PLXDC2: variants seen among roughly 807,000 people sequenced by gnomAD.
PLXDC2 encodes the protein plexin domain containing 2.
In PLXDC2, 40 loss-of-function variants were observed where a neutral mutation model predicts 68.9. The ratio of observed to expected loss-of-function variants is 0.58; its 90% CI spans 0.45 to 0.76. The LOEUF is 0.76. Among genes scored for constraint, PLXDC2 ranks in the 30% least tolerant of loss-of-function variants. PLXDC2 has a pLI of 0.00. For synonymous variants in PLXDC2, 243 were observed against 234.2 expected (o/e 1.04, Z -0.34); for missense variants, 644 against 661.9 (o/e 0.97, Z 0.30).
intron 5 of PLXDC2, among the ~76,000 whole-genome samples, chr10:20,147,547 C>G (rs547446222): frequency 2.0e-4 from 30 of 152,134 alleles, no homozygotes; most frequent in African/African-American, 7.2e-4. Context: ...TGCATTAGCT[C>G]AATTATTGAC....
chr10:19,957,260 G>C (rs1207840380), intron 1 of PLXDC2, among the ~76,000 whole-genome samples: 1 of 152,030 alleles, frequency 6.6e-6, no homozygotes, highest in African/African-American at 2.4e-5. Flanking sequence ...ATTTTAAGAA[G>C]GATATTGCTC....
At chr10:19,884,849 G>A (rs1316845938) in intron 1 of PLXDC2, among the ~76,000 whole-genome samples, 6 of 152,268 alleles carry the variant, frequency 3.9e-5, no homozygotes, top group East Asian at 1.9e-4. Context: ...ATGATTTATA[G>A]TCCTTTGGGT....
At chr10:20,223,694 A>G (rs1395428422) in intron 12 of PLXDC2, among the ~76,000 whole-genome samples, 1 of 152,156 alleles carries the variant, frequency 6.6e-6, no homozygotes, top group Non-Finnish European at 1.5e-5. Flanking sequence ...CACCTTTTCT[A>G]TAACAACTGA....
chr10:20,147,813 G>T lies in PLXDC2; in HGVS notation c.694G>T (p.Val232Leu), dbSNP rs1305140987. The T allele has an allele frequency of 6.2e-7, 1 of 1,612,980 alleles. No homozygotes were observed. Among genetic ancestry groups the T allele is most frequent in the African/African-American group, 1.3e-5 (1 of 74,884 alleles). ...AGCACTTGTGGTCCAGTGGGACCAT[G>T]TACATCTCCAGGATAATTATAACCT... ...GTALVVQWDHVHLQDNYNLGS... is the reference protein window; with the variant it reads ...GTALVVQWDHLHLQDNYNLGS... The change falls in exon 6 of 14, where the codon GTA becomes TTA. Residue 232 changes from valine (V) to leucine (L), a missense_variant. By Grantham distance (32) the Val-to-Leu change is conservative (BLOSUM62 1). Around this residue, in one of 3 missense-constraint regions of PLXDC2, gnomAD observed 113 missense variants for 167.1 expected, o/e 0.68. Transcript: ENST00000377252.
chr10:20,182,787 C>T (rs184083685), intron 9 of PLXDC2, among the ~76,000 whole-genome samples: 5 of 151,888 alleles, frequency 3.3e-5, no homozygotes, highest in Admixed American at 6.6e-5. Context: ...TATCAACCCA[C>T]CATCTAGGGT....
intron 6 of PLXDC2, among the ~76,000 whole-genome samples, chr10:20,162,909 C>CAAAAAAAAAAAAA (rs71390763): frequency 6.1e-5 from 6 of 97,978 alleles, no homozygotes; most frequent in Admixed American, 2.5e-4. Context: ...ACTAAAAATA[C>CAAAAAAAAAAAAA]AAAAAAAAAA....
intron 1 of PLXDC2, among the ~76,000 whole-genome samples, chr10:19,976,094 T>C (rs1347851343): frequency 6.6e-6 from 1 of 152,226 alleles, no homozygotes; most frequent in Admixed American, 6.5e-5. Flanking sequence ...GGCTGTACAT[T>C]GAATTTTAAG....
chr10:20,194,116 G>T (rs1834805047), intron 9 of PLXDC2, among the ~76,000 whole-genome samples: 1 of 150,414 alleles, frequency 6.6e-6, no homozygotes, highest in East Asian at 2.0e-4. Context: ...TATATTAAAG[G>T]CACTACTAAA....
intron 3 of PLXDC2, among the ~76,000 whole-genome samples, chr10:20,062,379 G>A (rs529993346): frequency 3.8e-4 from 58 of 152,138 alleles, no homozygotes; most frequent in African/African-American, 1.1e-3. Flanking sequence ...AGCCAAGATC[G>A]CACCATTGCA....
chr10:19,907,210 G>A (rs1290263016), intron 1 of PLXDC2, among the ~76,000 whole-genome samples: 1 of 152,116 alleles, frequency 6.6e-6, no homozygotes, highest in Non-Finnish European at 1.5e-5. Flanking sequence ...TAAGATGATA[G>A]TGGTGACTCT....
intron 12 of PLXDC2, among the ~76,000 whole-genome samples, chr10:20,220,838 CTTTTTTT>C (rs4026632): frequency 8.6e-6 from 1 of 116,520 alleles, no homozygotes; most frequent in East Asian, 2.5e-4. Context: ...GCTCTTAACA[CTTTTTTT>C]TTTTTTTTTT....
chr10:19,994,269 T>C (rs1017514968), intron 1 of PLXDC2, among the ~76,000 whole-genome samples: 1 of 147,352 alleles, frequency 6.8e-6, no homozygotes. Context: ...TTTTTTTTTT[T>C]TTTTTTTAAC....
At chr10:20,002,034 A>C (rs182369035) in intron 2 of PLXDC2, 48 bp downstream of exon 2, 14 of 1,550,134 alleles carry the variant, frequency 9.0e-6, no homozygotes, top group African/African-American at 8.2e-5. Flanking sequence ...AATTTATTTC[A>C]TGTAGGTGCC....
chr10:20,142,505 A>C (rs576733420), intron 4 of PLXDC2, among the ~76,000 whole-genome samples: 1 of 152,150 alleles, frequency 6.6e-6, no homozygotes, highest in African/African-American at 2.4e-5. Context: ...CAAAGTAAAT[A>C]AACCTAGTGT....
intron 6 of PLXDC2, among the ~76,000 whole-genome samples, chr10:20,162,073 AAG>A (rs1484782175): frequency 3.9e-4 from 23 of 59,030 alleles, no homozygotes; most frequent in African/African-American, 1.2e-3. Flanking sequence ...AGAGAGAGAG[AAG>A]GAAGGAAGGA....
chr10:20,163,927 G>A (rs1020269740), intron 6 of PLXDC2, among the ~76,000 whole-genome samples: 1 of 152,112 alleles, frequency 6.6e-6, no homozygotes, highest in South Asian at 2.1e-4. Flanking sequence ...CCAGAATGGT[G>A]AAATGATTGC....
intron 3 of PLXDC2, among the ~76,000 whole-genome samples, chr10:20,051,048 G>A (rs1046247429): frequency 6.6e-6 from 1 of 152,006 alleles, no homozygotes; most frequent in Non-Finnish European, 1.5e-5. Flanking sequence ...GGAATACTAT[G>A]CAGCCATATA....
At chr10:20,056,372 T>C (rs1835999869) in intron 3 of PLXDC2, among the ~76,000 whole-genome samples, 1 of 152,150 alleles carries the variant, frequency 6.6e-6, no homozygotes, top group Admixed American at 6.6e-5. Flanking sequence ...AATGGGCTGG[T>C]CTACCAGCCT....
intron 10 of PLXDC2, 121 bp from the exon 11 acceptor site, chr10:20,217,305 A>AAT (rs1296318497): frequency 9.0e-5 from 76 of 840,132 alleles, no homozygotes; most frequent in Non-Finnish European, 1.1e-4. Flanking sequence ...GTACAAAAGT[A>AAT]ATTTATTCCT....
Sources: gnomAD v4.1 joint callset for allele counts (sites outside exome capture counted in the v4.1 genomes callset) on GRCh38, gnomAD v4.1.1 for gene constraint, gnomAD v4.1.1 regional missense constraint, MANE v1.5 for transcripts, NCBI Gene and HGNC (gene_info 2026-07-23, HGNC 2026-07-21) for gene names.